GRM8: variants seen among roughly 807,000 people sequenced by gnomAD.
The protein encoded by GRM8 is glutamate metabotropic receptor 8, also known as metabotropic glutamate receptor 8.
A neutral mutation model predicts 87.2 loss-of-function variants in GRM8; 47 were observed. The ratio of observed to expected loss-of-function variants is 0.54; its 90% CI spans 0.43 to 0.69. The LOEUF is 0.69. Among genes scored for constraint, GRM8 ranks in the 30% least tolerant of loss-of-function variants. GRM8 has a pLI of 0.00. For synonymous variants in GRM8, 396 were observed against 404.5 expected (o/e 0.98, Z 0.25); for missense variants, 1,019 against 1,139.2 (o/e 0.89, Z 1.52).
chr7:126,521,976 C>A (rs887486969), intron 9 of GRM8, among the ~76,000 whole-genome samples: 1 of 151,992 alleles, frequency 6.6e-6, no homozygotes, highest in Non-Finnish European at 1.5e-5. Context: ...TGATTTTTAC[C>A]CAATTTTCAC....
intron 3 of GRM8, among the ~76,000 whole-genome samples, chr7:127,039,976 AAAGGGG>A (rs1474331681): frequency 1.8e-5 from 1 of 56,386 alleles, no homozygotes; most frequent in Non-Finnish European, 3.5e-5. Flanking sequence ...TATGGAGGGG[AAAGGGG>A]AAGGGGAAGG....
At chr7:127,169,164 A>G (rs1793636051) in intron 2 of GRM8, among the ~76,000 whole-genome samples, 1 of 152,146 alleles carries the variant, frequency 6.6e-6, no homozygotes. Flanking sequence ...CTCTTGCACT[A>G]AACAGCCAAG....
At chr7:127,127,593 C>T (rs17864136) in intron 2 of GRM8, among the ~76,000 whole-genome samples, 59,132 of 151,792 alleles carry the variant, frequency 0.39, 13,692 homozygotes, top group African/African-American at 0.65. Flanking sequence ...ATCTAACCTA[C>T]AGTGAGAAAA....
chr7:126,623,159 C>T lies in GRM8; in HGVS notation c.1358-13661G>A, dbSNP rs571177315. ...GTTAATAATGATGTATCATACTGAT[C>T]CATTAGCTTTCATACATGTACCACA... On this transcript the variant is annotated intron_variant, in intron 7 of 10. Coordinates refer to ENST00000339582, the MANE Select transcript of GRM8 (RefSeq NM_000845.3). Among the ~76,000 whole-genome samples the T allele has an allele frequency of 3.7e-4, 57 of 152,170 alleles. No individual in the cohort carries two copies. In the South Asian group the frequency reaches 7.3e-3, roughly 19 times the overall value.
chr7:126,787,029 A>T (rs1317154723), intron 6 of GRM8, among the ~76,000 whole-genome samples: 2 of 152,184 alleles, frequency 1.3e-5, no homozygotes, highest in Admixed American at 6.5e-5. Context: ...GAGGGAGGCT[A>T]AATTAGTCTC....
chr7:127,220,870 T>A (rs1796883617), intron 2 of GRM8, among the ~76,000 whole-genome samples: 1 of 152,202 alleles, frequency 6.6e-6, no homozygotes, highest in Non-Finnish European at 1.5e-5. Flanking sequence ...TCCCAGAATC[T>A]GCTTTCTAGG....
At chr7:126,545,225 G>A (rs1277977865) in intron 8 of GRM8, among the ~76,000 whole-genome samples, 2 of 152,184 alleles carry the variant, frequency 1.3e-5, no homozygotes, top group Non-Finnish European at 2.9e-5. Flanking sequence ...AGTCAGACCT[G>A]TAATATTTTG....
intron 8 of GRM8, among the ~76,000 whole-genome samples, chr7:126,597,823 G>A (rs1370443953): frequency 2.0e-5 from 3 of 151,854 alleles, no homozygotes; most frequent in East Asian, 1.9e-4. Flanking sequence ...CATATCTGTG[G>A]GGTACATATG....
chr7:126,667,135 A>G (rs1284158626), intron 7 of GRM8, among the ~76,000 whole-genome samples: 1 of 152,240 alleles, frequency 6.6e-6, no homozygotes, highest in Non-Finnish European at 1.5e-5. Context: ...CTTAGCATAT[A>G]TTAATTCATT....
At chr7:126,817,236 C>T (rs988266304) in intron 6 of GRM8, among the ~76,000 whole-genome samples, 10 of 152,054 alleles carry the variant, frequency 6.6e-5, no homozygotes, top group African/African-American at 2.4e-4. Context: ...TGGAATACAA[C>T]TGAATTTTGT....
chr7:126,609,782 G>A (rs1486664325), intron 7 of GRM8, among the ~76,000 whole-genome samples: 1 of 152,162 alleles, frequency 6.6e-6, no homozygotes, highest in Non-Finnish European at 1.5e-5. Context: ...AATAAAAGTT[G>A]ATAGGCTGAA....
At chr7:126,876,938 A>AAC (rs1799570477) in intron 6 of GRM8, among the ~76,000 whole-genome samples, 2 of 55,090 alleles carry the variant, frequency 3.6e-5, no homozygotes, top group African/African-American at 4.7e-5. Flanking sequence ...CAAACTCTTT[A>AAC]AAAAAAAAAA....
chr7:126,904,731 A>C, intron 3 of GRM8, 48 bp from the exon 4 acceptor site: 1 of 1,572,998 alleles, frequency 6.4e-7, no homozygotes, highest in Non-Finnish European at 8.7e-7. Flanking sequence ...GCATTTATTT[A>C]ATTAGCAAAC....
intron 7 of GRM8, among the ~76,000 whole-genome samples, chr7:126,669,620 A>G (rs1026037785): frequency 4.5e-4 from 68 of 152,336 alleles, no homozygotes; most frequent in African/African-American, 1.6e-3. Context: ...CCTGGGGACT[A>G]TGGAACTAAC....
chr7:127,204,498 G>T (rs1795794130), intron 2 of GRM8, among the ~76,000 whole-genome samples: 1 of 152,080 alleles, frequency 6.6e-6, no homozygotes, highest in African/African-American at 2.4e-5. Context: ...TCTTTTACTT[G>T]ATTTGCCATC....
chr7:127,177,729 G>T lies in GRM8; in HGVS notation c.510+64966C>A, dbSNP rs778150582. Among the ~76,000 whole-genome samples, 76 of 152,156 alleles carry T rather than the reference G, an allele frequency of 5.0e-4. 2 individuals are homozygous for T. The highest frequency in any genetic ancestry group is 3.2e-3 in the Middle Eastern group (1 of 316). ...CAGAGCTGGGCAGTCTCACGGGGTG[G>T]CTAGACTCAGAAGAGAGACAACAAT... On this transcript the variant is annotated intron_variant, in intron 2 of 10. Transcript: ENST00000339582.
At chr7:126,738,666 C>T (rs1814526662) in intron 7 of GRM8, among the ~76,000 whole-genome samples, 2 of 131,760 alleles carry the variant, frequency 1.5e-5, no homozygotes, top group South Asian at 4.7e-4. Context: ...AGGCTGAAGC[C>T]ATAGGAGTGG....
intron 2 of GRM8, among the ~76,000 whole-genome samples, chr7:127,186,086 T>C (rs1399893350): frequency 6.6e-6 from 1 of 152,014 alleles, no homozygotes; most frequent in Non-Finnish European, 1.5e-5. Context: ...GACAGACAGA[T>C]GAAGGAGGTG....
At chr7:126,641,153 G>T (rs568828390) in intron 7 of GRM8, among the ~76,000 whole-genome samples, 1 of 152,206 alleles carries the variant, frequency 6.6e-6, no homozygotes, top group South Asian at 2.1e-4. Flanking sequence ...AGCTCTGTTA[G>T]CAATGGGAAT....
Sources: allele counts gnomAD v4.1 joint callset (sites outside exome capture counted in the v4.1 genomes callset), GRCh38; gene constraint gnomAD v4.1.1; transcripts MANE v1.5; gene names NCBI Gene and HGNC (gene_info 2026-07-23, HGNC 2026-07-21).